The following RAPGEF2 variants were observed in gnomAD, a reference collection of about 807,000 sequenced individuals.
RAPGEF2 encodes the protein PDZ domain containing guanine nucleotide exchange factor (GEF) 1.
A neutral mutation model predicts 186.7 loss-of-function variants in RAPGEF2; 54 were observed. That is an observed-to-expected ratio of 0.29 (90% CI 0.23 to 0.36). The LOEUF (loss-of-function observed/expected upper bound fraction) is 0.36. Ranked by LOEUF, RAPGEF2 falls within the 10% of genes least tolerant of loss-of-function variation. The probability of loss-of-function intolerance (pLI) is 1.00; values close to 1 mark genes in which losing one functional copy is unlikely to be tolerated. For missense variants in RAPGEF2, 1,532 were observed against 2,045.0 expected (o/e 0.75, Z 4.84); for synonymous variants, 712 against 705.9 (o/e 1.01, Z -0.14).
At position 159,241,182 on chromosome 4, in the gene RAPGEF2, T is replaced by G. The variant is rs1390790374; in HGVS notation, c.358-19T>G. ...ATGTTGTGTTTGGAGAAATGAAATT[T>G]TGGGGGGTTTTATTTCAGGTGGACT... On this transcript the variant is annotated intron_variant, in intron 5 of 29. Coordinates refer to ENST00000691494, the MANE Select transcript of RAPGEF2 (RefSeq NM_001394067.2). 1 of 1,477,934 alleles carries G rather than the reference T, an allele frequency of 6.8e-7. No individual in the cohort carries two copies. The highest frequency in any genetic ancestry group is 2.2e-5 in the Admixed American group (1 of 44,582). The allele number at this position is 1,477,934 out of a possible 1,614,324, so 91.6% of individuals were successfully genotyped here. A position where few individuals can be genotyped will look rare whatever the true frequency, so the allele number is the denominator to read the frequency against.
chr4:159,277,305 T>C (rs1484305203), intron 7 of RAPGEF2, among the ~76,000 whole-genome samples: 1 of 152,204 alleles, frequency 6.6e-6, no homozygotes, highest in African/African-American at 2.4e-5. Flanking sequence ...TGCCACATTT[T>C]CTTAATCCAG....
intron 1 of RAPGEF2, among the ~76,000 whole-genome samples, chr4:159,176,150 T>G (rs1208536426): frequency 6.6e-6 from 1 of 152,052 alleles, no homozygotes; most frequent in Non-Finnish European, 1.5e-5. Context: ...TTGGAGGGAC[T>G]TTGTGTTAGG....
intron 7 of RAPGEF2, among the ~76,000 whole-genome samples, chr4:159,293,425 T>C (rs572689467): frequency 2.6e-4 from 40 of 152,362 alleles, no homozygotes; most frequent in African/African-American, 8.4e-4. Flanking sequence ...AAACTCAGAA[T>C]AGTGTCTGGC....
At chr4:159,321,954 C>T (rs1221966968) in intron 9 of RAPGEF2, among the ~76,000 whole-genome samples, 1 of 152,150 alleles carries the variant, frequency 6.6e-6, no homozygotes, top group Admixed American at 6.5e-5. Context: ...TAGGCATTCA[C>T]CTGCCCAAAA....
chr4:159,198,320 TTCTTTCTTTCTTTCTTTTTC>T (rs1749004785), intron 3 of RAPGEF2, among the ~76,000 whole-genome samples: 1 of 55,264 alleles, frequency 1.8e-5, no homozygotes, highest in African/African-American at 1.1e-4. Flanking sequence ...CTTTCTTTCT[TTCTTTCTTTCTTTCTTTTTC>T]TTTCTCTCTC....
intron 7 of RAPGEF2, among the ~76,000 whole-genome samples, chr4:159,282,992 G>T (rs994611884): frequency 1.3e-5 from 2 of 152,120 alleles, no homozygotes; most frequent in South Asian, 4.1e-4. Flanking sequence ...TTAATGTTGA[G>T]TATGTAAGAG....
intron 7 of RAPGEF2, among the ~76,000 whole-genome samples, chr4:159,254,546 C>T (rs940728117): frequency 1.3e-5 from 2 of 149,172 alleles, no homozygotes; most frequent in Admixed American, 6.7e-5. Context: ...CAGGAATTGG[C>T]GTATGCTATT....
chr4:159,295,603 T>C (rs1423494442), intron 7 of RAPGEF2, among the ~76,000 whole-genome samples: 2 of 152,146 alleles, frequency 1.3e-5, no homozygotes, highest in Non-Finnish European at 2.9e-5. Flanking sequence ...ACATTTTCAA[T>C]GACACTTTCA....
chr4:159,332,310 A>T, intron 16 of RAPGEF2, 141 bp from the exon 17 acceptor site: 1 of 870,420 alleles, frequency 1.1e-6, no homozygotes, highest in Non-Finnish European at 1.8e-6. Context: ...TTACTGTGTG[A>T]TACTGTTTTT....
intron 7 of RAPGEF2, among the ~76,000 whole-genome samples, chr4:159,263,081 G>A (rs2110755833): frequency 6.6e-6 from 1 of 152,210 alleles, no homozygotes; most frequent in East Asian, 1.9e-4. Flanking sequence ...TTCACTTTAT[G>A]AAAGTAGAAA....
chr4:159,286,578 A>C (rs62337459), intron 7 of RAPGEF2, among the ~76,000 whole-genome samples: 151 of 152,314 alleles, frequency 9.9e-4, no homozygotes, highest in Middle Eastern at 3.4e-3. Flanking sequence ...AGAACTATGC[A>C]TGAACTAGCC....
At chr4:159,342,589 T>TTATTG (rs1729679660) in intron 20 of RAPGEF2, among the ~76,000 whole-genome samples, 1 of 146,368 alleles carries the variant, frequency 6.8e-6, no homozygotes, top group East Asian at 2.0e-4. Flanking sequence ...TTATTTTATT[T>TTATTG]TATTTTATTT....
chr4:159,199,202 C>T (rs1444112081), intron 3 of RAPGEF2, among the ~76,000 whole-genome samples: 1 of 152,062 alleles, frequency 6.6e-6, no homozygotes, highest in Non-Finnish European at 1.5e-5. Flanking sequence ...AATTCAAGCA[C>T]ATGCACACCC....
intron 1 of RAPGEF2, among the ~76,000 whole-genome samples, chr4:159,134,037 T>G (rs1387345461): frequency 6.6e-6 from 1 of 152,190 alleles, no homozygotes; most frequent in African/African-American, 2.4e-5. Flanking sequence ...AGTTTTAATT[T>G]GTATACAGTC....
intron 3 of RAPGEF2, among the ~76,000 whole-genome samples, chr4:159,200,262 G>A (rs1008390068): frequency 2.6e-5 from 4 of 152,088 alleles, no homozygotes; most frequent in Admixed American, 2.0e-4. Context: ...GAGCCCAGGA[G>A]TTCGAGACCA....
Position 159,108,339 on chromosome 4 carries a change from T to G in RAPGEF2, c.69+4108T>G, listed in dbSNP as rs117778583. ...GTGCTTTATGCAGATACTCGTTTAATGCAGTCGCAGTCATTCCCAAATGCT... is the reference window on the plus strand; with the variant it reads ...GTGCTTTATGCAGATACTCGTTTAAGGCAGTCGCAGTCATTCCCAAATGCT... On this transcript the variant is annotated intron_variant, in intron 1 of 29. Transcript: ENST00000691494. Among the ~76,000 whole-genome samples, 255 of 151,952 alleles carry G rather than the reference T, an allele frequency of 1.7e-3. 6 individuals are homozygous for G. In the East Asian group the frequency reaches 0.042, roughly 25 times the overall value.
chr4:159,234,006 T>A (rs991965029), intron 4 of RAPGEF2, among the ~76,000 whole-genome samples: 3 of 152,136 alleles, frequency 2.0e-5, no homozygotes, highest in African/African-American at 7.2e-5. Flanking sequence ...TGAATTTCCA[T>A]ATGAATTTTA....
At chr4:159,192,732 G>T (rs1014371392) in intron 2 of RAPGEF2, among the ~76,000 whole-genome samples, 4 of 152,140 alleles carry the variant, frequency 2.6e-5, no homozygotes, top group Admixed American at 1.3e-4. Flanking sequence ...AAAATATCAA[G>T]TTAATTAGAG....
intron 1 of RAPGEF2, among the ~76,000 whole-genome samples, chr4:159,181,050 A>AC (rs1746957814): frequency 6.6e-6 from 1 of 152,236 alleles, no homozygotes; most frequent in African/African-American, 2.4e-5. Flanking sequence ...TATCATACTA[A>AC]CACACATAAT....
Sources: allele counts gnomAD v4.1 joint callset (sites outside exome capture counted in the v4.1 genomes callset), GRCh38; gene constraint gnomAD v4.1.1; transcripts MANE v1.5; gene names NCBI Gene and HGNC (gene_info 2026-07-23, HGNC 2026-07-21).